The following CPT1A variants were observed in gnomAD, a reference collection of about 807,000 sequenced individuals.
CPT1A encodes carnitine O-palmitoyltransferase 1, liver isoform.
Under a neutral mutation model 100.8 loss-of-function variants are expected in CPT1A, and 64 were observed. That is an observed-to-expected ratio of 0.63 (90% CI 0.52 to 0.78). The LOEUF is 0.78. Among genes scored for constraint, CPT1A ranks in the 30% least tolerant of loss-of-function variants. The pLI is 0.00. For synonymous variants in CPT1A, 363 were observed against 396.0 expected, an observed-to-expected ratio of 0.92 and a Z score of 0.99; for missense variants, 802 against 1,034.1, an observed-to-expected ratio of 0.78 and a Z score of 3.08.
Position 68,793,276 on chromosome 11 carries a change from T to C in CPT1A, c.967+39A>G, listed in dbSNP as rs1271460078. The C allele has an allele frequency of 6.7e-6, 10 of 1,487,534 alleles. No homozygotes were observed. The South Asian group carries it at 1.2e-4, about 17-fold the overall frequency. 92.1% of individuals were successfully genotyped at this position (1,487,534 alleles called of 1,614,324 possible). A position where few individuals can be genotyped will look rare whatever the true frequency, so the allele number is the denominator to read the frequency against. ...TAATTCTGAGCATAGGGATGGAAAG[T>C]GCCGATTCTCCAGGGGGCCCTGAAG... On this transcript the variant is annotated intron_variant, in intron 9 of 18. Transcript: ENST00000265641.
At chr11:68,800,405 C>T (rs570503490) in intron 5 of CPT1A, among the ~76,000 whole-genome samples, 1 of 150,852 alleles carries the variant, frequency 6.6e-6, no homozygotes, top group East Asian at 2.0e-4. Context: ...CTTTGAGAGG[C>T]TGAGGTATGA....
intron 1 of CPT1A, among the ~76,000 whole-genome samples, chr11:68,831,788 C>G (rs185229160): frequency 0.011 from 1,656 of 152,092 alleles, 18 homozygotes; most frequent in South Asian, 0.031. Context: ...CACGCACCAC[C>G]ACGCCTGGCT....
intron 10 of CPT1A, among the ~76,000 whole-genome samples, chr11:68,784,298 T>C (rs1855391491): frequency 6.6e-6 from 1 of 152,202 alleles, no homozygotes; most frequent in Admixed American, 6.5e-5. Context: ...ATATGGTTCA[T>C]GCCTGTAATC....
At chr11:68,826,916 C>G (rs118003820) in intron 1 of CPT1A, among the ~76,000 whole-genome samples, 1 of 152,082 alleles carries the variant, frequency 6.6e-6, no homozygotes, top group Admixed American at 6.6e-5. Flanking sequence ...CCAGGTGAGG[C>G]AGGTGAGCAG....
At chr11:68,823,890 C>T (rs1434466595) in intron 1 of CPT1A, among the ~76,000 whole-genome samples, 1 of 152,082 alleles carries the variant, frequency 6.6e-6, no homozygotes, top group Non-Finnish European at 1.5e-5. Context: ...AAACAGAAAA[C>T]CAAATACCGC....
intron 14 of CPT1A, among the ~76,000 whole-genome samples, chr11:68,765,691 A>AT (rs1286838026): frequency 6.6e-6 from 1 of 152,164 alleles, no homozygotes; most frequent in East Asian, 1.9e-4. Flanking sequence ...TTCAATACTG[A>AT]TTTACTGATG....
At chr11:68,805,840 TGA>T (rs1856029108) in intron 4 of CPT1A, among the ~76,000 whole-genome samples, 2 of 152,078 alleles carry the variant, frequency 1.3e-5, no homozygotes, top group Admixed American at 1.3e-4. Context: ...AGGTTGGGCT[TGA>T]GGTGCCGAGC....
intron 1 of CPT1A, among the ~76,000 whole-genome samples, chr11:68,833,926 A>C (rs1225333715): frequency 6.6e-6 from 1 of 152,064 alleles, no homozygotes; most frequent in Non-Finnish European, 1.5e-5. Context: ...TCCTGGCTCA[A>C]GAGATCATCT....
chr11:68,823,107 G>A (rs1212530443), intron 1 of CPT1A, among the ~76,000 whole-genome samples: 1 of 152,066 alleles, frequency 6.6e-6, no homozygotes, highest in African/African-American at 2.4e-5. Context: ...AAAATTAGAT[G>A]GGTGCGGTGA....
At chr11:68,814,825 T>A (rs1856338673) in intron 2 of CPT1A, among the ~76,000 whole-genome samples, 1 of 152,126 alleles carries the variant, frequency 6.6e-6, no homozygotes, top group South Asian at 2.1e-4. Flanking sequence ...TAGCTGGGAC[T>A]ACAGGTGCAT....
chr11:68,841,869 A>G lies in CPT1A; in HGVS notation c.-108T>C. 4.0e-6 allele frequency: 4 copies of G among 992,192 alleles called. No homozygotes were observed. Among genetic ancestry groups the G allele is most frequent in the Non-Finnish European group, 4.8e-6 (4 of 836,144 alleles). 61.5% of individuals were successfully genotyped at this position (992,192 alleles called of 1,614,324 possible). A position where few individuals can be genotyped will look rare whatever the true frequency, so the allele number is the denominator to read the frequency against. On this transcript the variant is annotated 5_prime_UTR_variant, in exon 1 of 19. Coordinates refer to ENST00000265641, the MANE Select transcript of CPT1A (RefSeq NM_001876.4). This position sits in a 1 kb window ranked among gnomAD's most constrained non-coding sequence, Gnocchi z 6.3. ...AGCGGCGAGCGGGAGCCGGGGAAGG[A>G]GGGCCGCGGGCGAGGCCGAGCGCAC...
chr11:68,766,768 G>A (rs567231584), intron 14 of CPT1A, among the ~76,000 whole-genome samples: 64 of 150,896 alleles, frequency 4.2e-4, no homozygotes, highest in African/African-American at 1.4e-3. Context: ...GATTACAGGC[G>A]TCAACTACCA....
intron 1 of CPT1A, among the ~76,000 whole-genome samples, chr11:68,834,003 A>G (rs559106063): frequency 6.6e-6 from 1 of 152,256 alleles, no homozygotes; most frequent in Non-Finnish European, 1.5e-5. Context: ...TCATTATGAA[A>G]GGTTGCGTCT....
chr11:68,793,037 GAC>G (rs1855660524), intron 9 of CPT1A, among the ~76,000 whole-genome samples: 1 of 133,516 alleles, frequency 7.5e-6, no homozygotes, highest in Non-Finnish European at 1.6e-5. Context: ...GGCAGAGAGA[GAC>G]CTCATGTCAA....
chr11:68,812,694 A>G (rs1326283870), intron 2 of CPT1A, 118 bp from the exon 3 acceptor site: 2 of 1,205,556 alleles, frequency 1.7e-6, no homozygotes, highest in South Asian at 1.3e-5. Flanking sequence ...GAGGGTGTGG[A>G]CAGCGTGCGT....
rs5792450 is a variant in CPT1A, at chr11:68,761,942, G to GA, written c.1876-256dup. ...CCTTTCCAGAATGAAGTTTGTCTCG[G>GA]AAAAAAGAGCCCTGGCCAGTGTCTC... On this transcript the variant is annotated intron_variant, in intron 15 of 18. Coordinates refer to ENST00000265641, the MANE Select transcript of CPT1A (RefSeq NM_001876.4). 0.87 allele frequency among the ~76,000 whole-genome samples: 131,394 copies of GA among 151,762 alleles called. 57,778 individuals carry two copies. Among genetic ancestry groups the GA allele is most frequent in the Non-Finnish European group, 0.93 (63,409 of 67,984 alleles).
chr11:68,800,134 C>G (rs1855864585), intron 5 of CPT1A, among the ~76,000 whole-genome samples: 1 of 152,002 alleles, frequency 6.6e-6, no homozygotes, highest in Admixed American at 6.6e-5. Context: ...TGGGCAGGTG[C>G]TCAGGCAGCA....
At chr11:68,842,006 C>T (rs556021721), upstream of CPT1A, 11,090 of 977,412 alleles carry the variant, frequency 0.011, 68 homozygotes, top group Non-Finnish European at 0.013. Flanking sequence ...GCGGGGCGTC[C>T]GCGGGGCTAG....
chr11:68,799,032 A>C (rs951787192), intron 6 of CPT1A, among the ~76,000 whole-genome samples, 186 bp downstream of exon 6: 8 of 152,148 alleles, frequency 5.3e-5, no homozygotes, highest in Non-Finnish European at 1.2e-4. Context: ...CTGTCACTGT[A>C]ACTACACGTC....
Sources: allele counts gnomAD v4.1 joint callset (sites outside exome capture counted in the v4.1 genomes callset), GRCh38; gene constraint gnomAD v4.1.1; non-coding constraint Gnocchi (gnomAD v3.1); transcripts MANE v1.5; gene names NCBI Gene and HGNC (gene_info 2026-07-23, HGNC 2026-07-21).